DHRSX: variants seen among roughly 807,000 people sequenced by gnomAD.
DHRSX encodes polyprenol dehydrogenase.
A neutral mutation model predicts 34.0 loss-of-function variants in DHRSX; 31 were observed. The observed-to-expected ratio is 0.91, with a 90% CI of 0.69 to 1.23. The LOEUF is 1.23. Among genes scored for constraint, DHRSX ranks in the 50% most tolerant of loss-of-function variants. DHRSX has a pLI of 0.00. For synonymous variants in DHRSX, 201 were observed against 183.8 expected (o/e 1.09, Z -0.76); for missense variants, 414 against 428.1 (o/e 0.97, Z 0.29).
intron 3 of DHRSX, among the ~76,000 whole-genome samples, chrX:2,350,726 G>A (rs1402216799): frequency 6.6e-6 from 1 of 152,182 alleles, no homozygotes; most frequent in Admixed American, 6.5e-5. Context: ...ACTTTGTCAA[G>A]AGGGTGGCTC....
intron 4 of DHRSX, among the ~76,000 whole-genome samples, chrX:2,268,291 A>G (rs1372100806): frequency 6.6e-6 from 1 of 152,208 alleles, no homozygotes; most frequent in African/African-American, 2.4e-5. Flanking sequence ...CTTAGAGCAG[A>G]CCAGTTTGCT....
In DHRSX at chrX:2,268,858, G is replaced by A. The variant is rs187171291; in HGVS notation, c.389-1911C>T. Among the ~76,000 whole-genome samples, 1,431 of 152,280 alleles carry A rather than the reference G, an allele frequency of 9.4e-3. 12 individuals carry two copies. The highest frequency in any genetic ancestry group is 0.013 in the Non-Finnish European group (908 of 68,026). On this transcript the variant is annotated intron_variant, in intron 4 of 6. Transcript: ENST00000334651. ...ATTGGAACATCTACGTGTATTGCAC[G>A]CATGAATATGCATTTTGATTCATCT...
chrX:2,468,116 ATC>A (rs1170170925), intron 1 of DHRSX, among the ~76,000 whole-genome samples: 1 of 152,002 alleles, frequency 6.6e-6, no homozygotes, highest in East Asian at 1.9e-4. Flanking sequence ...AATATAAAGA[ATC>A]ACACTAGAAG....
chrX:2,446,734 G>A (rs1165214649), intron 1 of DHRSX, among the ~76,000 whole-genome samples: 1 of 149,792 alleles, frequency 6.7e-6, no homozygotes, highest in African/African-American at 2.5e-5. Flanking sequence ...GTGGCCAAGG[G>A]ATCGACACCA....
chrX:2,299,387 G>A (rs1270440979), intron 3 of DHRSX, among the ~76,000 whole-genome samples: 7 of 151,990 alleles, frequency 4.6e-5, no homozygotes, highest in African/African-American at 9.7e-5. Flanking sequence ...TGCCCCTCTC[G>A]GCACCTAGCA....
chrX:2,255,386 G>A (rs192328461), intron 5 of DHRSX, among the ~76,000 whole-genome samples: 6 of 152,198 alleles, frequency 3.9e-5, no homozygotes, highest in East Asian at 3.9e-4. Flanking sequence ...AATCCGAATC[G>A]AGATGGGATA....
Position 2,438,477 on chromosome X carries a change from C to A in DHRSX, c.110-13173G>T, listed in dbSNP as rs758777032. 6.6e-5 allele frequency among the ~76,000 whole-genome samples: 10 copies of A among 152,124 alleles called. No homozygotes were observed. The East Asian group carries it at 1.9e-3, about 30-fold the overall frequency. ...CCTGAGGTCAGAAGTTTGAGACCAG[C>A]CTGACTAACATGGTGAAACCCCATC... On this transcript the variant is annotated intron_variant, in intron 1 of 6. Transcript: ENST00000334651.
At chrX:2,413,099 G>A (rs1289652202) in intron 2 of DHRSX, among the ~76,000 whole-genome samples, 5 of 152,148 alleles carry the variant, frequency 3.3e-5, no homozygotes, top group Non-Finnish European at 5.9e-5. Flanking sequence ...GGAGGCTGAG[G>A]CAGGAGAATC....
intron 3 of DHRSX, among the ~76,000 whole-genome samples, chrX:2,388,632 C>G (rs1230517051): frequency 1.3e-5 from 2 of 149,784 alleles, no homozygotes; most frequent in East Asian, 2.0e-4. Flanking sequence ...GTGATAGCAG[C>G]CTGAAATGGA....
intron 3 of DHRSX, among the ~76,000 whole-genome samples, chrX:2,346,265 T>C: frequency 6.6e-6 from 1 of 152,148 alleles, no homozygotes. Flanking sequence ...CGAGTTGTTA[T>C]GTACCATCTT....
Position 2,425,261 on chromosome X carries a change from C to A in DHRSX, c.153G>T (p.Gly51=), listed in dbSNP as rs764865481. 3 of 1,613,866 alleles carry A rather than the reference C, an allele frequency of 1.9e-6. No homozygotes were observed. The highest frequency in any genetic ancestry group is 2.2e-5 in the East Asian group (1 of 44,890). ...RPDRVAIVTG[G]TDGIGYSTAK... ...CTGTAGAATAGCCAATGCCATCTGT[C>A]CCTCCCGTCACTATAGCGACACGGT... Residue 51 remains glycine, a synonymous_variant, in exon 2 of 7, where the codon GGG becomes GGT. Transcript: ENST00000334651.
chrX:2,474,789 G>A lies in DHRSX; in HGVS notation c.109+26028C>T, dbSNP rs572900647. On this transcript the variant is annotated intron_variant, in intron 1 of 6. Coordinates refer to ENST00000334651, the MANE Select transcript of DHRSX (RefSeq NM_145177.3). Reference sequence around the variant, plus strand: ...CACTGAAGACGTTCCCTAAGCATGTGGCCAAGAGACTGCCACCATATACAC... The same window carrying A: ...CACTGAAGACGTTCCCTAAGCATGTAGCCAAGAGACTGCCACCATATACAC... Among the ~76,000 whole-genome samples, 2 of 150,994 alleles carry A rather than the reference G, an allele frequency of 1.3e-5. 1 individual carries two copies. Among genetic ancestry groups the A allele is most frequent in the African/African-American group, 4.9e-5 (2 of 41,118 alleles).
At position 2,220,919 on chromosome X, in the gene DHRSX, G is replaced by C; in HGVS notation, c.*122C>G. On this transcript the variant is annotated 3_prime_UTR_variant, in exon 7 of 7. Transcript: ENST00000334651. ...GGTTGAGGCAGCTGTCTCAAAACTA[G>C]AGGACAGAGCCCTGTGGGCAGGTGG... The C allele has an allele frequency of 1.1e-6, 1 of 883,790 alleles. No individual in the cohort carries two copies. Among genetic ancestry groups the C allele is most frequent in the Middle Eastern group, 3.3e-4 (1 of 3,046 alleles). 54.7% of individuals were successfully genotyped at this position (883,790 alleles called of 1,614,324 possible).
At chrX:2,295,423 TG>T (rs756847642) in intron 3 of DHRSX, among the ~76,000 whole-genome samples, 13 of 151,750 alleles carry the variant, frequency 8.6e-5, no homozygotes, top group African/African-American at 2.4e-4. Flanking sequence ...CAGGGCTTGC[TG>T]GGGGGTGGAG....
At chrX:2,489,215 T>C in intron 1 of DHRSX, 1 of 1,613,796 alleles carries the variant, frequency 6.2e-7, no homozygotes, top group Non-Finnish European at 8.5e-7. Flanking sequence ...CAGCAGGCCC[T>C]TGGCCTCTTC....
intron 3 of DHRSX, among the ~76,000 whole-genome samples, chrX:2,312,197 G>A (rs983205076): frequency 2.0e-5 from 3 of 152,110 alleles, no homozygotes; most frequent in Non-Finnish European, 4.4e-5. Context: ...GAAATCAAGA[G>A]AAATCTTGAG....
chrX:2,420,846 C>T (rs1156585265), intron 2 of DHRSX, among the ~76,000 whole-genome samples: 1 of 151,960 alleles, frequency 6.6e-6, no homozygotes, highest in East Asian at 1.9e-4. Context: ...CTGATATAGA[C>T]CAAAAAGTGC....
At chrX:2,291,410 G>T in intron 4 of DHRSX, 92 bp downstream of exon 4, 1 of 970,724 alleles carries the variant, frequency 1.0e-6, no homozygotes, top group Non-Finnish European at 1.7e-6. Flanking sequence ...TGGATATCCT[G>T]TTTTGCTGAG....
chrX:2,327,709 A>T (rs1186927839), intron 3 of DHRSX, among the ~76,000 whole-genome samples: 3 of 152,158 alleles, frequency 2.0e-5, no homozygotes, highest in South Asian at 2.1e-4. Flanking sequence ...ATTTGGAGAT[A>T]GTCTTTAAAG....
Sources: allele counts gnomAD v4.1 joint callset (sites outside exome capture counted in the v4.1 genomes callset), GRCh38; gene constraint gnomAD v4.1.1; transcripts MANE v1.5; gene names NCBI Gene and HGNC (gene_info 2026-07-23, HGNC 2026-07-21).